USP7: variants seen among roughly 807,000 people sequenced by gnomAD.
USP7 encodes the protein ubiquitin C-terminal hydrolase 7.
In USP7, 9 loss-of-function variants were observed where a neutral mutation model predicts 162.9. That is an observed-to-expected ratio of 0.06 (90% CI 0.03 to 0.10). The LOEUF (loss-of-function observed/expected upper bound fraction) is 0.10. USP7 is among the 10% of genes least tolerant of loss of function. USP7 has a pLI of 1.00. For synonymous variants in USP7, 562 were observed against 475.9 expected (o/e 1.18, Z -2.35); for missense variants, 715 against 1,373.7 (o/e 0.52, Z 7.58).
At chr16:8,903,823 C>G (rs912264217) in intron 15 of USP7, among the ~76,000 whole-genome samples, 8 of 149,850 alleles carry the variant, frequency 5.3e-5, no homozygotes, top group Non-Finnish European at 1.2e-4. Context: ...GCAGAGATCG[C>G]GCCACTGCAC....
chr16:8,928,445 C>T (rs572722094), intron 2 of USP7, among the ~76,000 whole-genome samples: 2 of 152,170 alleles, frequency 1.3e-5, no homozygotes, highest in African/African-American at 4.8e-5. Flanking sequence ...CTGAGACATA[C>T]GACAGTAAAT....
rs767754018 is a variant in USP7 at position 8,903,264 on chromosome 16, G to A, written c.1839+4C>T. 5 of 1,612,688 alleles carry A rather than the reference G, an allele frequency of 3.1e-6. No homozygotes were observed. Among genetic ancestry groups the A allele is most frequent in the South Asian group, 1.1e-5 (1 of 90,926 alleles). On this transcript the variant is annotated splice_donor_region_variant and intron_variant, in intron 16 of 30. Transcript: ENST00000344836. ...TGGGGTATATCCACGGGACCGGTACGCACCATGGTCTGAGAGAGGCTCTGA... is the reference window on the plus strand; with the variant it reads ...TGGGGTATATCCACGGGACCGGTACACACCATGGTCTGAGAGAGGCTCTGA...
Position 8,963,249 on chromosome 16 carries a change from C to T in USP7, c.37G>A (p.Gly13Ser). 1 of 1,385,578 alleles carries T rather than the reference C, an allele frequency of 7.2e-7. No individual in the cohort carries two copies. Among genetic ancestry groups the T allele is most frequent in the Non-Finnish European group, 9.5e-7 (1 of 1,058,162 alleles). 85.8% of individuals were successfully genotyped at this position (1,385,578 alleles called of 1,614,324 possible). The change falls in exon 1 of 31, where the codon GGC becomes AGC. Residue 13 changes from glycine (G) to serine (S), a missense_variant. Gly to Ser is a moderately conservative substitution (Grantham distance 56). Transcript: ENST00000344836. Reference protein sequence around the residue: ...HQQQQQQQKAGEQQLSEPEDM... With the variant: ...HQQQQQQQKASEQQLSEPEDM... ...TCGGGCTCGCTCAACTGCTGCTCGC[C>T]CGCTTTCTGCTGCTGCTGCTGCTGC...
chr16:8,908,889 AC>A (rs766885309), intron 11 of USP7, among the ~76,000 whole-genome samples: 2 of 152,264 alleles, frequency 1.3e-5, no homozygotes, highest in Non-Finnish European at 2.9e-5. Context: ...CCCAAACAGA[AC>A]AAGCAGCAAT....
chr16:8,905,131 T>C (rs1447124647), intron 14 of USP7, 56 bp downstream of exon 14: 2 of 1,581,426 alleles, frequency 1.3e-6, no homozygotes, highest in African/African-American at 1.3e-5. Flanking sequence ...AGATTCATGG[T>C]ACAAATGTCC....
chr16:8,919,903 T>C (rs921147298), intron 5 of USP7, among the ~76,000 whole-genome samples: 1 of 152,108 alleles, frequency 6.6e-6, no homozygotes, highest in Non-Finnish European at 1.5e-5. Flanking sequence ...AACACTCAAA[T>C]ACACCTAACG....
At chr16:8,927,615 C>T (rs1244874774) in intron 2 of USP7, among the ~76,000 whole-genome samples, 4 of 151,994 alleles carry the variant, frequency 2.6e-5, no homozygotes, top group Non-Finnish European at 5.9e-5. Context: ...GCAGGTGGAT[C>T]ACCTGAGGTC....
intron 3 of USP7, among the ~76,000 whole-genome samples, chr16:8,921,825 C>A (rs550277608): frequency 1.3e-5 from 2 of 152,276 alleles, no homozygotes; most frequent in South Asian, 4.2e-4. Context: ...TGGGGTGGAC[C>A]ACAAAAGGGC....
intron 1 of USP7, among the ~76,000 whole-genome samples, chr16:8,939,716 A>G (rs765815952): frequency 2.6e-5 from 4 of 152,172 alleles, no homozygotes; most frequent in Non-Finnish European, 2.9e-5. Context: ...ACTTTTTCTC[A>G]TGAAGGAAAA....
intron 1 of USP7, among the ~76,000 whole-genome samples, chr16:8,947,677 A>G (rs1899351939): frequency 6.6e-6 from 1 of 152,198 alleles, no homozygotes. Flanking sequence ...CTTAATTTCT[A>G]TATGGTAAAT....
At chr16:8,960,547 G>C (rs1899969275) in intron 1 of USP7, among the ~76,000 whole-genome samples, 3 of 152,166 alleles carry the variant, frequency 2.0e-5, no homozygotes, top group Admixed American at 1.3e-4. Flanking sequence ...GGAGGTGCAG[G>C]CAGGATGCTC....
rs543634778 is a variant in USP7, at chr16:8,952,444, CA to C, written c.79+10762del. ...GAAATGGGTCTCACCGGGCTAAAAC[CA>C]AGGTGCCAGCAGGGCCACATTCCTT... On this transcript the variant is annotated intron_variant, in intron 1 of 30. Coordinates refer to ENST00000344836, the MANE Select transcript of USP7 (RefSeq NM_003470.3). Among the ~76,000 whole-genome samples, 15 of 152,272 alleles carry C rather than the reference CA, an allele frequency of 9.9e-5. No individual in the cohort carries two copies. The South Asian group carries it at 3.1e-3, about 32-fold the overall frequency.
intron 1 of USP7, 58 bp from the exon 2 acceptor site, chr16:8,930,455 G>A: frequency 3.9e-6 from 5 of 1,271,850 alleles, no homozygotes; most frequent in Non-Finnish European, 5.5e-6. Context: ...AATAGAATAA[G>A]CAAAATATAA....
At chr16:8,947,331 G>T (rs1899331037) in intron 1 of USP7, among the ~76,000 whole-genome samples, 1 of 150,502 alleles carries the variant, frequency 6.6e-6, no homozygotes, top group Non-Finnish European at 1.5e-5. Flanking sequence ...CTGGTTTATT[G>T]TTTTTCCACA....
rs888402129 is a variant in USP7 at position 8,899,171 on chromosome 16, T to C, written c.2481A>G (p.Ala827=). The C allele has an allele frequency of 6.2e-7, 1 of 1,614,060 alleles. No homozygotes were observed. The highest frequency in any genetic ancestry group is 8.5e-7 in the Non-Finnish European group (1 of 1,180,044). ...MNYFQVAKTV[A]QRLNTDPMLL... is the part of the protein sequence containing the mutation. Reference sequence around the variant, plus strand: ...ACATTGGATCTGTGTTGAGCCTCTGTGCAACTGTCTTTGCAACCTAAGACA... The same window carrying C: ...ACATTGGATCTGTGTTGAGCCTCTGCGCAACTGTCTTTGCAACCTAAGACA... The change falls in exon 23 of 31, where the codon GCA becomes GCG. Residue 827 remains alanine (A), a synonymous_variant. Coordinates refer to ENST00000344836, the MANE Select transcript of USP7 (RefSeq NM_003470.3).
At chr16:8,913,286 G>A (rs1354808872) in intron 10 of USP7, among the ~76,000 whole-genome samples, 1 of 152,156 alleles carries the variant, frequency 6.6e-6, no homozygotes, top group African/African-American at 2.4e-5. Flanking sequence ...AGCCCAGGAG[G>A]TGGAGGTTGC....
chr16:8,894,525 C>T (rs753248157), intron 30 of USP7, 25 bp downstream of exon 30: 2 of 1,495,118 alleles, frequency 1.3e-6, no homozygotes, highest in Non-Finnish European at 1.8e-6. Context: ...CCCACACCAG[C>T]CCCCGGGGGG....
Position 8,905,456 on chromosome 16 carries a change from G to C in USP7, c.1429-125C>G. 2.5e-6 allele frequency: 3 copies of C among 1,209,316 alleles called. 1 individual carries two copies. Among genetic ancestry groups the C allele is most frequent in the South Asian group, 2.7e-5 (2 of 73,200 alleles). The allele number at this position is 1,209,316 out of a possible 1,614,324, so 74.9% of individuals were successfully genotyped here. On this transcript the variant is annotated intron_variant, in intron 13 of 30. Coordinates refer to ENST00000344836, the MANE Select transcript of USP7 (RefSeq NM_003470.3). Reference sequence around the variant, plus strand: ...TGCCCCTAGTTGAAAAAATATCCATGTGTGTTCTTATACAGGCACACAATC... The same window carrying C: ...TGCCCCTAGTTGAAAAAATATCCATCTGTGTTCTTATACAGGCACACAATC...
At chr16:8,899,864 G>A (rs1037358545) in intron 21 of USP7, 107 bp from the exon 22 acceptor site, 4 of 1,351,862 alleles carry the variant, frequency 3.0e-6, no homozygotes, top group Non-Finnish European at 3.2e-6. Flanking sequence ...AGGCTCTCTT[G>A]CAAGATAAAT....
Sources: allele counts gnomAD v4.1 joint callset (sites outside exome capture counted in the v4.1 genomes callset), GRCh38; gene constraint gnomAD v4.1.1; transcripts MANE v1.5; gene names NCBI Gene and HGNC (gene_info 2026-07-23, HGNC 2026-07-21).